The following SPAG6 variants were observed in gnomAD, a reference collection of about 807,000 sequenced individuals.
The protein encoded by SPAG6 is sperm-associated antigen 6.
SPAG6 carries 49 observed loss-of-function variants against 58.5 expected under a neutral mutation model. That is an observed-to-expected ratio of 0.84 (90% confidence interval 0.67 to 1.06). The LOEUF is 1.06. SPAG6 is among the 50% of genes least tolerant of loss of function. The pLI, the probability that SPAG6 is intolerant of heterozygous loss-of-function variation, is 0.00. For synonymous variants in SPAG6, 233 were observed against 225.6 expected, an observed-to-expected ratio of 1.03 and a Z score of -0.29; for missense variants, 560 against 611.3, an observed-to-expected ratio of 0.92 and a Z score of 0.89.
At chr10:22,406,521 G>C (rs930332900) in intron 9 of SPAG6, among the ~76,000 whole-genome samples, 1 of 152,082 alleles carries the variant, frequency 6.6e-6, no homozygotes, top group African/African-American at 2.4e-5. Flanking sequence ...TATAATTTCT[G>C]TTGTTTTACA....
At position 22,391,753 on chromosome 10, in the gene SPAG6, T is replaced by C; in HGVS notation, c.1030T>C (p.Leu344=). ...SKGVPQLSVC[L]SEEPEDHIKA... is the part of the protein sequence containing the mutation. ...GGGTGTACCCCAGTTGTCAGTCTGC[T>C]TGTCAGAAGAACCGGAAGATCATAT... The change falls in exon 8 of 11, where the codon TTG becomes CTG. Residue 344 remains leucine, a synonymous_variant. Coordinates refer to ENST00000376624, the MANE Select transcript of SPAG6 (RefSeq NM_012443.4). The C allele has an allele frequency of 6.2e-7, 1 of 1,613,478 alleles. No homozygotes were observed. Among genetic ancestry groups the C allele is most frequent in the Non-Finnish European group, 8.5e-7 (1 of 1,179,650 alleles).
At chr10:22,406,887 T>C (rs1377083846) in intron 9 of SPAG6, among the ~76,000 whole-genome samples, 1 of 151,682 alleles carries the variant, frequency 6.6e-6, no homozygotes, top group Non-Finnish European at 1.5e-5. Flanking sequence ...TTTACCATTA[T>C]GTAATGGCCT....
At chr10:22,401,848 T>C (rs745701388) in intron 9 of SPAG6, among the ~76,000 whole-genome samples, 1 of 152,222 alleles carries the variant, frequency 6.6e-6, no homozygotes, top group Non-Finnish European at 1.5e-5. Context: ...CAGAGCTGAT[T>C]ACCAATAGCA....
At chr10:22,415,433 G>T (rs1455281733) in intron 10 of SPAG6, among the ~76,000 whole-genome samples, 1 of 152,160 alleles carries the variant, frequency 6.6e-6, no homozygotes, top group African/African-American at 2.4e-5. Flanking sequence ...AGAAGAAGCA[G>T]TTGTGAATTT....
intron 2 of SPAG6, among the ~76,000 whole-genome samples, chr10:22,363,970 C>T (rs986649775): frequency 2.0e-5 from 3 of 152,016 alleles, no homozygotes; most frequent in African/African-American, 4.8e-5. Flanking sequence ...AAATAGCAGT[C>T]GACTCTTTTG....
At chr10:22,405,319 C>A (rs1304635377) in intron 9 of SPAG6, among the ~76,000 whole-genome samples, 1 of 152,004 alleles carries the variant, frequency 6.6e-6, no homozygotes, top group Non-Finnish European at 1.5e-5. Context: ...CCATCAATAC[C>A]TAATTTATTG....
At chr10:22,354,013 A>G (rs1203195717) in intron 2 of SPAG6, among the ~76,000 whole-genome samples, 1 of 152,214 alleles carries the variant, frequency 6.6e-6, no homozygotes, top group African/African-American at 2.4e-5. Flanking sequence ...GAGGAGAGTC[A>G]GTCATGGTTG....
intron 4 of SPAG6, among the ~76,000 whole-genome samples, chr10:22,382,753 ACATTTGTT>A (rs1466617861): frequency 2.0e-5 from 3 of 152,178 alleles, no homozygotes; most frequent in African/African-American, 7.2e-5. Context: ...TAAAAATTTT[ACATTTGTT>A]TATTTCTTTG....
intron 2 of SPAG6, among the ~76,000 whole-genome samples, chr10:22,363,781 T>C (rs1303160517): frequency 6.6e-6 from 1 of 152,228 alleles, no homozygotes; most frequent in Non-Finnish European, 1.5e-5. Context: ...AAAAGAATAC[T>C]GGTAATATTT....
intron 9 of SPAG6, among the ~76,000 whole-genome samples, chr10:22,409,946 C>A (rs1269033085): frequency 6.6e-6 from 1 of 152,158 alleles, no homozygotes; most frequent in Non-Finnish European, 1.5e-5. Context: ...TTTTCTCTTT[C>A]TGAAACTTTA....
intron 4 of SPAG6, among the ~76,000 whole-genome samples, chr10:22,378,630 G>T (rs7073585): frequency 0.056 from 8,585 of 152,038 alleles, 820 homozygotes; most frequent in African/African-American, 0.2. Context: ...TGCGTTACTC[G>T]ATTCAGCTTG....
At chr10:22,410,830 T>G (rs1834713087) in intron 9 of SPAG6, among the ~76,000 whole-genome samples, 1 of 152,232 alleles carries the variant, frequency 6.6e-6, no homozygotes, top group Non-Finnish European at 1.5e-5. Context: ...ATTGCCTTTA[T>G]TTCATTTCTT....
chr10:22,373,829 T>C (rs1833759807), intron 4 of SPAG6, among the ~76,000 whole-genome samples: 1 of 152,218 alleles, frequency 6.6e-6, no homozygotes, highest in African/African-American at 2.4e-5. Context: ...ATTTTGACCC[T>C]AGCACTTATT....
At chr10:22,393,825 A>G (rs865841643) in intron 8 of SPAG6, among the ~76,000 whole-genome samples, 1 of 152,212 alleles carries the variant, frequency 6.6e-6, no homozygotes. Context: ...AGCCTGTTCG[A>G]TTTGACACCA....
At chr10:22,386,980 A>C in intron 5 of SPAG6, 21 bp downstream of exon 5, 1 of 1,560,958 alleles carries the variant, frequency 6.4e-7, no homozygotes, top group Non-Finnish European at 8.8e-7. Context: ...ATAAGGTTGA[A>C]AAATACATCA....
chr10:22,397,508 G>A (rs184038911), intron 8 of SPAG6, among the ~76,000 whole-genome samples: 1 of 152,206 alleles, frequency 6.6e-6, no homozygotes, highest in Admixed American at 6.5e-5. Flanking sequence ...TAGAGACAGG[G>A]TTTTGCCATG....
intron 8 of SPAG6, among the ~76,000 whole-genome samples, chr10:22,393,746 T>C (rs1267675349): frequency 6.6e-6 from 1 of 152,198 alleles, no homozygotes; most frequent in Non-Finnish European, 1.5e-5. Flanking sequence ...TCATTCTTTT[T>C]TCTTTCCCCA....
At chr10:22,405,370 C>G (rs1377200780) in intron 9 of SPAG6, among the ~76,000 whole-genome samples, 2 of 151,918 alleles carry the variant, frequency 1.3e-5, no homozygotes, top group Non-Finnish European at 2.9e-5. Flanking sequence ...TTGTCAAAGG[C>G]CTTTTCTGCA....
intron 4 of SPAG6, 67 bp from the exon 5 acceptor site, chr10:22,386,687 G>C (rs1190257648): frequency 8.4e-7 from 1 of 1,184,162 alleles, no homozygotes; most frequent in Non-Finnish European, 1.3e-6. Context: ...TATCTGTCAG[G>C]GTGAAAAATG....
Sources: allele counts gnomAD v4.1 joint callset (sites outside exome capture counted in the v4.1 genomes callset), GRCh38; gene constraint gnomAD v4.1.1; transcripts MANE v1.5; gene names NCBI Gene and HGNC (gene_info 2026-07-23, HGNC 2026-07-21).